The following KDM5B variants were observed in gnomAD, a reference collection of about 807,000 sequenced individuals.
KDM5B encodes lysine demethylase 5B.
KDM5B carries 144 observed loss-of-function variants against 193.4 expected under a neutral mutation model. The observed-to-expected ratio is 0.74, with a 90% CI of 0.65 to 0.86. The LOEUF (loss-of-function observed/expected upper bound fraction) is 0.86. Ranked by LOEUF, KDM5B falls within the 40% of genes least tolerant of loss-of-function variation. The pLI, the probability that KDM5B is intolerant of heterozygous loss-of-function variation, is 0.00. For synonymous variants in KDM5B, 668 were observed against 682.6 expected (o/e 0.98, Z 0.33); for missense variants, 1,833 against 1,886.9 (o/e 0.97, Z 0.53).
chr1:202,782,459 C>T (rs766541956), intron 1 of KDM5B, among the ~76,000 whole-genome samples: 3 of 152,056 alleles, frequency 2.0e-5, no homozygotes, highest in Non-Finnish European at 4.4e-5. Flanking sequence ...CTAGGCCTCC[C>T]AAAGTGCCAG....
At chr1:202,777,993 G>GA (rs1657033791) in intron 1 of KDM5B, among the ~76,000 whole-genome samples, 1 of 151,982 alleles carries the variant, frequency 6.6e-6, no homozygotes, top group South Asian at 2.1e-4. Flanking sequence ...TGACCAACAT[G>GA]GTGAAACCCT....
At chr1:202,754,329 G>A (rs1655923570) in intron 11 of KDM5B, among the ~76,000 whole-genome samples, 1 of 152,176 alleles carries the variant, frequency 6.6e-6, no homozygotes, top group Non-Finnish European at 1.5e-5. Flanking sequence ...GAGGATTTGA[G>A]TGAGTTACAG....
rs1453193081 is a variant in KDM5B, at chr1:202,774,736, C to G, written c.283-1G>C. 1 of 1,612,296 alleles carries G rather than the reference C, an allele frequency of 6.2e-7. No homozygotes were observed. Among genetic ancestry groups the G allele is most frequent in the Non-Finnish European group, 8.5e-7 (1 of 1,179,154 alleles). ...AATTCAATTTTACACGAGTTTGGGC[C>G]TAAAAGACAAAGAATTGAGTTTTCA... On this transcript the variant is annotated splice_acceptor_variant, in intron 2 of 26. Transcript: ENST00000367265. LOFTEE classifies it high-confidence loss of function.
Position 202,774,613 on chromosome 1 carries a change from CTTAT to C in KDM5B, c.401_404del (p.Asn134SerfsTer2). The C allele has an allele frequency of 6.2e-7, 1 of 1,609,064 alleles. No homozygotes were observed. Among genetic ancestry groups the C allele is most frequent in the Non-Finnish European group, 8.5e-7 (1 of 1,176,692 alleles). The stretch of plus-strand genomic sequence containing the variant: ...AGTAAGATGGTCATTAGCTCTTTAC[CTTAT>C]TAAGCTGAAATAAGTCCAAGATCTT... On this transcript the variant is annotated frameshift_variant and splice_region_variant, in exon 3 of 27. Coordinates refer to ENST00000367265, the MANE Select transcript of KDM5B (RefSeq NM_006618.5). LOFTEE classifies it high-confidence loss of function.
intron 11 of KDM5B, among the ~76,000 whole-genome samples, chr1:202,754,375 AGAAGAAAACAGATGT>A (rs1337164347): frequency 6.6e-6 from 1 of 152,238 alleles, no homozygotes; most frequent in Non-Finnish European, 1.5e-5. Context: ...AGAAAAATAG[AGAAGAAAACAGATGT>A]GAAGAAATGG....
chr1:202,755,026 C>T (rs1398368354), intron 11 of KDM5B, among the ~76,000 whole-genome samples: 1 of 152,192 alleles, frequency 6.6e-6, no homozygotes, highest in Admixed American at 6.5e-5. Context: ...CTACCCTTCC[C>T]CCAGAATTAC....
intron 6 of KDM5B, among the ~76,000 whole-genome samples, chr1:202,763,483 T>G (rs1656331345): frequency 6.6e-6 from 1 of 152,184 alleles, no homozygotes; most frequent in Admixed American, 6.5e-5. Flanking sequence ...TCCTGTGCAT[T>G]GTGCTGCCTT....
intron 1 of KDM5B, among the ~76,000 whole-genome samples, chr1:202,780,779 T>C (rs1253985318): frequency 7.1e-6 from 1 of 141,016 alleles, no homozygotes; most frequent in African/African-American, 2.5e-5. Context: ...TTGCAGCTTT[T>C]GCCATTACTA....
chr1:202,764,510 C>T (rs1203745414), intron 5 of KDM5B, among the ~76,000 whole-genome samples: 2 of 152,140 alleles, frequency 1.3e-5, no homozygotes, highest in African/African-American at 4.8e-5. Flanking sequence ...TGGCACGCAC[C>T]TGTAGTCCCA....
Position 202,726,337 on chromosome 1 carries a change from T to A in KDM5B, c.*2699A>T, listed in dbSNP as rs566698309. The A allele has an allele frequency of 6.6e-6, 1 of 152,350 alleles. No individual in the cohort carries two copies. Among genetic ancestry groups the A allele is most frequent in the East Asian group, 1.9e-4 (1 of 5,192 alleles). 9.4% of individuals were successfully genotyped at this position (152,350 alleles called of 1,614,324 possible). On this transcript the variant is annotated 3_prime_UTR_variant, in exon 27 of 27. Coordinates refer to ENST00000367265, the MANE Select transcript of KDM5B (RefSeq NM_006618.5). ...CTCCTAGGATACTGAAACGAAGCTG[T>A]AAAGAAGTCAACTTCCTTTACATAG...
chr1:202,746,150 A>G lies in KDM5B; in HGVS notation c.2190T>C (p.Tyr730=), dbSNP rs1173964832. Residue 730 remains tyrosine, a synonymous_variant, in exon 15 of 27, where the codon TAT becomes TAC. Coordinates refer to ENST00000367265, the MANE Select transcript of KDM5B (RefSeq NM_006618.5). ...TCGTTCTTCCTACTTACCGCAATTT[A>G]TATTTGTAAGGAGGACAGGAACACA... is the stretch of plus-strand genomic sequence containing the variant. ...KELCSCPPYK[Y]KLRYRYTLDD... is the part of the protein sequence containing the mutation. 1.9e-6 allele frequency: 3 copies of G among 1,605,728 alleles called. No homozygotes were observed. The highest frequency in any genetic ancestry group is 1.3e-5 in the African/African-American group (1 of 74,424).
At chr1:202,736,103 A>G in intron 21 of KDM5B, 110 bp downstream of exon 21, 1 of 763,976 alleles carries the variant, frequency 1.3e-6, no homozygotes, top group Non-Finnish European at 1.9e-6. Flanking sequence ...GGGAAGAACA[A>G]CTCACAGAAT....
intron 26 of KDM5B, chr1:202,729,470 GA>G: frequency 1.7e-6 from 1 of 592,678 alleles, no homozygotes; most frequent in Non-Finnish European, 3.0e-6. Context: ...CCGGGAAGGT[GA>G]AAGCTGGAAG....
rs1234311472 is a variant in KDM5B at position 202,730,001 on chromosome 1, A to G, written c.4203T>C (p.Asp1401=). ...EKNDCCRGKR[D]GINSLERKLK... ...GTTTTCTCTCAAGACTGTTAATTCC[A>G]TCTCGCTTCCCTCGGCAACAGTCAT... The change falls in exon 26 of 27, where the codon GAT becomes GAC. Residue 1401 remains aspartate (D), a synonymous_variant. Coordinates refer to ENST00000367265, the MANE Select transcript of KDM5B (RefSeq NM_006618.5). The G allele has an allele frequency of 6.2e-7, 1 of 1,611,324 alleles. No homozygotes were observed. The highest frequency in any genetic ancestry group is 8.5e-7 in the Non-Finnish European group (1 of 1,178,718).
Position 202,733,862 on chromosome 1 carries a change from G to A in KDM5B, c.3448C>T (p.Leu1150=). 3.1e-6 allele frequency: 5 copies of A among 1,611,958 alleles called. No homozygotes were observed. The highest frequency in any genetic ancestry group is 4.2e-6 in the Non-Finnish European group (5 of 1,178,880). Reference sequence around the variant, plus strand: ...GACTGCAAGGCTTCCATTTCCCTTAGGCGAGCTTCCCCAAGAGTTGCCATC... The same window carrying A: ...GACTGCAAGGCTTCCATTTCCCTTAAGCGAGCTTCCCCAAGAGTTGCCATC... ...SAMATLGEAR[L]REMEALQSLR... Residue 1150 remains leucine, a synonymous_variant, in exon 23 of 27, where the codon CTA becomes TTA. Coordinates refer to ENST00000367265, the MANE Select transcript of KDM5B (RefSeq NM_006618.5).
In KDM5B at chr1:202,755,460, TA is replaced by T; in HGVS notation, c.1357-9del. On this transcript the variant is annotated splice_polypyrimidine_tract_variant and intron_variant, in intron 10 of 26. Coordinates refer to ENST00000367265, the MANE Select transcript of KDM5B (RefSeq NM_006618.5). ...GCCACTATCAAGATACTCCTAAAAA[TA>T]AGAAGACAAAAGAGGATAAAGGTTT... 6.2e-7 allele frequency: 1 copy of T among 1,605,348 alleles called. No homozygotes were observed. Among genetic ancestry groups the T allele is most frequent in the Non-Finnish European group, 8.5e-7 (1 of 1,173,452 alleles).
At chr1:202,755,954 T>C (rs936440624) in intron 10 of KDM5B, among the ~76,000 whole-genome samples, 3 of 148,928 alleles carry the variant, frequency 2.0e-5, no homozygotes, top group Admixed American at 6.9e-5. Flanking sequence ...TCTGATCATA[T>C]GTAATACTTT....
At chr1:202,751,624 A>G (rs1368206395) in intron 12 of KDM5B, among the ~76,000 whole-genome samples, 1 of 152,192 alleles carries the variant, frequency 6.6e-6, no homozygotes, top group Non-Finnish European at 1.5e-5. Context: ...ATCTCATTTA[A>G]GAGCCCTTTC....
rs149985910 is a variant in KDM5B, at chr1:202,742,465, C to T, written c.2515G>A (p.Val839Met). The change falls in exon 18 of 27, where the codon GTG becomes ATG. Residue 839 changes from valine (V) to methionine (M), a missense_variant. Val to Met is a conservative substitution (Grantham distance 21). Around this residue, in one of 3 missense-constraint regions of KDM5B, gnomAD observed 1,379 missense variants for 1,349.6 expected, o/e 1.02. Coordinates refer to ENST00000367265, the MANE Select transcript of KDM5B (RefSeq NM_006618.5). ...GTTACAAACTGCCGGAGCTCATTCA[C>T]TGTCAACTGATTTTGGGATTTCCCT... ...GGGKSQNQLT[V>M]NELRQFVTQL... 153 of 1,614,124 alleles carry T rather than the reference C, an allele frequency of 9.5e-5. No homozygotes were observed. The highest frequency in any genetic ancestry group is 4.9e-4 in the Middle Eastern group (3 of 6,062).
Sources: allele counts gnomAD v4.1 joint callset (sites outside exome capture counted in the v4.1 genomes callset), GRCh38; gene constraint gnomAD v4.1.1; regional missense constraint gnomAD v4.1.1; transcripts MANE v1.5; gene names NCBI Gene and HGNC (gene_info 2026-07-23, HGNC 2026-07-21).